The following SERPINB11 variants were observed in gnomAD, a reference collection of about 807,000 sequenced individuals.
SERPINB11 encodes the protein serpin family B member 11, also known as serpin B11.
Under a neutral mutation model 36.7 loss-of-function variants are expected in SERPINB11, and 32 were observed. The observed-to-expected ratio is 0.87, with a 90% CI of 0.66 to 1.17. SERPINB11 has a LOEUF of 1.17. Among genes scored for constraint, SERPINB11 ranks in the 50% most tolerant of loss-of-function variants. The pLI is 0.00. For missense variants in SERPINB11, 528 were observed against 458.4 expected, an observed-to-expected ratio of 1.15 and a Z score of -1.39; for synonymous variants, 174 against 168.1, an observed-to-expected ratio of 1.04 and a Z score of -0.27.
chr18:63,709,616 T>TAAATAAAATAAAATAAAAGAAAATA (rs1914464101), intron 1 of SERPINB11, among the ~76,000 whole-genome samples: 1 of 143,450 alleles, frequency 7.0e-6, no homozygotes, highest in Non-Finnish European at 1.5e-5. Flanking sequence ...GTCTCAAAAA[T>TAAATAAAATAAAATAAAAGAAAATA]AAATAAAATA....
At chr18:63,711,599 T>C (rs1313287815) in intron 3 of SERPINB11, among the ~76,000 whole-genome samples, 1 of 152,164 alleles carries the variant, frequency 6.6e-6, no homozygotes, top group Non-Finnish European at 1.5e-5. Context: ...TTTCTTAGAT[T>C]TTATTACCTG....
chr18:63,707,834 G>A (rs1186332721), intron 1 of SERPINB11, among the ~76,000 whole-genome samples: 1 of 152,182 alleles, frequency 6.6e-6, no homozygotes, highest in African/African-American at 2.4e-5. Context: ...AGACCTTGGT[G>A]TAATGTACTA....
At chr18:63,706,150 C>T (rs1006851343) in intron 1 of SERPINB11, among the ~76,000 whole-genome samples, 3 of 152,208 alleles carry the variant, frequency 2.0e-5, no homozygotes, top group African/African-American at 7.2e-5. Context: ...TTTCTGAGAA[C>T]TGGAATGCAC....
intron 7 of SERPINB11, 53 bp from the exon 8 acceptor site, chr18:63,722,942 T>A (rs1914851403): frequency 4.1e-6 from 6 of 1,462,296 alleles, no homozygotes; most frequent in Non-Finnish European, 5.5e-6. Flanking sequence ...TGATATTTAA[T>A]GTAGAGGTCG....
chr18:63,723,061 G>C lies in SERPINB11; in HGVS notation c.841G>C (p.Glu281Gln). The part of the protein sequence containing the change: ...WTSSSNMMER[E>Q]VEVHLPRFKL... ...AAGCTCTTCTAACATGATGGAAAGA[G>C]AAGTTGAAGTACACCTCCCCCGATT... The change falls in exon 8 of 8, where the codon GAA becomes CAA. Residue 281 changes from glutamate to glutamine, a missense_variant. By Grantham distance (29) the Glu-to-Gln change is conservative. Coordinates refer to ENST00000544088, the MANE Select transcript of SERPINB11 (RefSeq NM_001370475.1). The C allele has an allele frequency of 1.9e-6, 3 of 1,604,850 alleles. No homozygotes were observed. Among genetic ancestry groups the C allele is most frequent in the Non-Finnish European group, 2.6e-6 (3 of 1,175,502 alleles).
At chr18:63,710,662 T>C (rs1189682017) in intron 2 of SERPINB11, among the ~76,000 whole-genome samples, 1 of 152,214 alleles carries the variant, frequency 6.6e-6, no homozygotes, top group Non-Finnish European at 1.5e-5. Flanking sequence ...GTGATAAAGG[T>C]ACTATTATTG....
At chr18:63,717,390 C>T (rs1207974763) in intron 5 of SERPINB11, among the ~76,000 whole-genome samples, 3 of 151,946 alleles carry the variant, frequency 2.0e-5, no homozygotes, top group Admixed American at 1.3e-4. Context: ...TGGGTGTATA[C>T]CTTGGAATGG....
At chr18:63,707,176 A>G (rs1568182744) in intron 1 of SERPINB11, among the ~76,000 whole-genome samples, 1 of 152,226 alleles carries the variant, frequency 6.6e-6, no homozygotes, top group South Asian at 2.1e-4. Context: ...ACTCCATGAA[A>G]TCTGCATTAA....
chr18:63,708,373 G>A (rs138253436), intron 1 of SERPINB11, among the ~76,000 whole-genome samples: 150 of 152,338 alleles, frequency 9.8e-4, no homozygotes, highest in African/African-American at 3.4e-3. Flanking sequence ...GATTATTTCA[G>A]TAATTCAGGA....
chr18:63,703,036 C>T (rs1914279420), intron 1 of SERPINB11, 30 bp downstream of exon 1: 1 of 152,204 alleles, frequency 6.6e-6, no homozygotes, highest in South Asian at 2.1e-4. Flanking sequence ...ACGTTATTAT[C>T]TCAGCTGTGC....
In SERPINB11 at chr18:63,710,191, A is replaced by C; in HGVS notation, c.-3A>C. ...CTTCTGTTCTCAGGCAGTCGGCATA[A>C]AAATGGGTTCTCTCAGCACAGCTAA... On this transcript the variant is annotated 5_prime_UTR_variant, in exon 2 of 8. Coordinates refer to ENST00000544088, the MANE Select transcript of SERPINB11 (RefSeq NM_001370475.1). 1.2e-6 allele frequency: 2 copies of C among 1,603,732 alleles called. No homozygotes were observed. Among genetic ancestry groups the C allele is most frequent in the Non-Finnish European group, 1.7e-6 (2 of 1,175,376 alleles).
At chr18:63,721,586 A>C (rs2144551737) in intron 7 of SERPINB11, among the ~76,000 whole-genome samples, 1 of 152,320 alleles carries the variant, frequency 6.6e-6, no homozygotes, top group East Asian at 1.9e-4. Context: ...TATGGGTGAT[A>C]TAGCCTAACA....
chr18:63,715,996 T>A (rs760724671), intron 4 of SERPINB11, 39 bp from the exon 5 acceptor site: 1 of 1,392,484 alleles, frequency 7.2e-7, no homozygotes. Context: ...TTCCTTACAC[T>A]GCTTTTGAAT....
chr18:63,714,186 GA>G (rs1824690004), intron 4 of SERPINB11, among the ~76,000 whole-genome samples: 1 of 152,098 alleles, frequency 6.6e-6, no homozygotes, highest in Non-Finnish European at 1.5e-5. Context: ...CAGGTTCCAT[GA>G]AGCCCCCCAA....
chr18:63,716,202 C>A (rs1189040946), intron 5 of SERPINB11, 50 bp downstream of exon 5: 3 of 1,174,744 alleles, frequency 2.6e-6, no homozygotes, highest in East Asian at 2.6e-5. Context: ...TGTTGATAAG[C>A]AACCTGAGTC....
intron 1 of SERPINB11, among the ~76,000 whole-genome samples, chr18:63,704,508 CATTTGAT>C (rs1914320954): frequency 6.6e-6 from 1 of 152,110 alleles, no homozygotes; most frequent in South Asian, 2.1e-4. Context: ...AAACAAAGTT[CATTTGAT>C]ATTTAGCATG....
chr18:63,709,874 A>G (rs1012749461), intron 1 of SERPINB11, among the ~76,000 whole-genome samples: 7 of 152,300 alleles, frequency 4.6e-5, no homozygotes, highest in Middle Eastern at 3.4e-3. Flanking sequence ...ACAAAGATTC[A>G]ATTCCTTTTA....
rs761043881 is a variant in SERPINB11 at position 63,713,339 on chromosome 18, G to A, written c.357+646G>A. Among the ~76,000 whole-genome samples, 236 of 152,326 alleles carry A rather than the reference G, an allele frequency of 1.5e-3. 1 individual carries two copies. Among genetic ancestry groups the A allele is most frequent in the Non-Finnish European group, 2.3e-3 (154 of 68,040 alleles). On this transcript the variant is annotated intron_variant, in intron 4 of 7. Coordinates refer to ENST00000544088, the MANE Select transcript of SERPINB11 (RefSeq NM_001370475.1). ...TTCCATTAATTCTACAGACTGTGAA[G>A]CAGATTCTGAAAAGTCAGGCTGATA...
intron 1 of SERPINB11, among the ~76,000 whole-genome samples, chr18:63,707,533 C>T (rs749753579): frequency 1.3e-5 from 2 of 152,192 alleles, no homozygotes; most frequent in Non-Finnish European, 2.9e-5. Flanking sequence ...TCTGCTCATG[C>T]TATTCCTTCT....
Sources: allele counts gnomAD v4.1 joint callset (sites outside exome capture counted in the v4.1 genomes callset), GRCh38; gene constraint gnomAD v4.1.1; transcripts MANE v1.5; gene names NCBI Gene and HGNC (gene_info 2026-07-23, HGNC 2026-07-21).